MRLN: variants seen among roughly 807,000 people sequenced by gnomAD.
The protein encoded by MRLN is myoregulin.
intron 2 of MRLN, 188 bp downstream of exon 2, chr10:59,738,271 C>T (rs1180566): frequency 0.94 from 143,203 of 152,276 alleles, 67,531 homozygotes; most frequent in East Asian, 1. Context: ...AAATAATACA[C>T]GGGTTTGCAA....
At chr10:59,740,045 C>T (rs192180229) in intron 1 of MRLN, among the ~76,000 whole-genome samples, 185 of 151,204 alleles carry the variant, frequency 1.2e-3, no homozygotes, top group African/African-American at 4.3e-3. Flanking sequence ...GAGCTGAGAT[C>T]GCGCCACTGC....
chr10:59,745,306 C>G (rs1189617452), intron 1 of MRLN, among the ~76,000 whole-genome samples: 1 of 152,036 alleles, frequency 6.6e-6, no homozygotes, highest in South Asian at 2.1e-4. Context: ...GTTAGGACAC[C>G]TTAAAAACTA....
intron 1 of MRLN, among the ~76,000 whole-genome samples, chr10:59,745,912 C>T (rs1409661254): frequency 6.6e-6 from 1 of 152,000 alleles, no homozygotes; most frequent in Non-Finnish European, 1.5e-5. Context: ...AAAACCACAA[C>T]AACAAAAAAA....
chr10:59,737,265 T>A (rs75148881), intron 2 of MRLN, 45 bp from the exon 3 acceptor site: 1 of 387,954 alleles, frequency 2.6e-6, no homozygotes. Flanking sequence ...ACATTTATAA[T>A]ACTGATTCTT....
In MRLN at chr10:59,740,299, T is replaced by TG. The variant is rs397783048; in HGVS notation, c.-124-1738_-124-1737insC. On this transcript the variant is annotated intron_variant, in intron 1 of 2. Transcript: ENST00000414264. ...ACTTGATAATGATAAAAAATGACTG[T>TG]TAATAGTTGTATTGACTATACTATA... Among the ~76,000 whole-genome samples the TG allele has an allele frequency of 5.9e-5, 9 of 151,554 alleles. No individual in the cohort carries two copies. The South Asian group carries it at 1.7e-3, about 28-fold the overall frequency.
intron 1 of MRLN, among the ~76,000 whole-genome samples, chr10:59,742,579 T>A (rs1840995005): frequency 6.6e-6 from 1 of 152,132 alleles, no homozygotes; most frequent in South Asian, 2.1e-4. Context: ...TTGTCCTGGG[T>A]GGTGGTTATA....
intron 1 of MRLN, among the ~76,000 whole-genome samples, chr10:59,744,642 G>A (rs1291940232): frequency 6.6e-6 from 1 of 152,206 alleles, no homozygotes; most frequent in Non-Finnish European, 1.5e-5. Context: ...GGGCCATGAT[G>A]AAGATGGCGG....
intron 1 of MRLN, among the ~76,000 whole-genome samples, chr10:59,741,866 C>T (rs535628907): frequency 6.6e-5 from 10 of 151,940 alleles, no homozygotes; most frequent in Non-Finnish European, 1.0e-4. Flanking sequence ...TTTGTAGAGA[C>T]GGAGTCCTGC....
In MRLN at chr10:59,743,841, T is replaced by C. The variant is rs191996702; in HGVS notation, c.-124-5279A>G. Among the ~76,000 whole-genome samples the C allele has an allele frequency of 4.0e-3, 602 of 152,278 alleles. 5 individuals are homozygous for C. The highest frequency in any genetic ancestry group is 0.013 in the African/African-American group (548 of 41,564). On this transcript the variant is annotated intron_variant, in intron 1 of 2. Transcript: ENST00000414264. ...CGCCACGCCTGACTGGTTTTCGTAT[T>C]TTTTGGTGGAGACGGGGTTTCGCCA...
At chr10:59,744,487 T>TG (rs1009773068) in intron 1 of MRLN, among the ~76,000 whole-genome samples, 2 of 139,786 alleles carry the variant, frequency 1.4e-5, no homozygotes, top group Admixed American at 7.1e-5. Context: ...GTCCGGGAGG[T>TG]GGGGGGCAGC....
rs1328571364 is a variant in MRLN at position 59,737,238 on chromosome 10, A to G, written c.-20-18T>C. Reference sequence around the variant, plus strand: ...CCCGCTCCCTAGGAAAAAAGAGAAAAGTATCCTCAAATGAACACATTTATA... The same window carrying G: ...CCCGCTCCCTAGGAAAAAAGAGAAAGGTATCCTCAAATGAACACATTTATA... On this transcript the variant is annotated intron_variant, in intron 2 of 2. Coordinates refer to ENST00000414264, the MANE Select transcript of MRLN (RefSeq NM_001304731.2). 2 of 393,670 alleles carry G rather than the reference A, an allele frequency of 5.1e-6. No homozygotes were observed. Among genetic ancestry groups the G allele is most frequent in the African/African-American group, 4.1e-5 (2 of 48,516 alleles). The allele number at this position is 393,670 out of a possible 1,614,324, so 24.4% of individuals were successfully genotyped here. A position where few individuals can be genotyped will look rare whatever the true frequency, so the allele number is the denominator to read the frequency against.
chr10:59,751,508 T>A (rs970214799), intron 1 of MRLN, among the ~76,000 whole-genome samples: 3 of 150,788 alleles, frequency 2.0e-5, no homozygotes, highest in Admixed American at 6.6e-5. Flanking sequence ...TAAAAAAAAA[T>A]AATAACAAAA....
chr10:59,740,296 C>CTG (rs77825823), intron 1 of MRLN, among the ~76,000 whole-genome samples: 143,551 of 152,118 alleles, frequency 0.94, 67,927 homozygotes, highest in East Asian at 1. Flanking sequence ...TAAAAAATGA[C>CTG]TGTTAATAGT....
At chr10:59,737,317 A>G (rs747770177) in intron 2 of MRLN, 97 bp from the exon 3 acceptor site, 35 of 376,510 alleles carry the variant, frequency 9.3e-5, no homozygotes, top group Non-Finnish European at 1.2e-4. Context: ...GATTGTGAAC[A>G]AGGTAAGTCT....
chr10:59,742,338 T>A (rs991529723), intron 1 of MRLN, among the ~76,000 whole-genome samples: 1 of 152,192 alleles, frequency 6.6e-6, no homozygotes, highest in South Asian at 2.1e-4. Context: ...AAAGATAGCA[T>A]TGAATTTTAA....
intron 1 of MRLN, among the ~76,000 whole-genome samples, chr10:59,747,929 C>T (rs1841058858): frequency 1.3e-5 from 2 of 152,168 alleles, no homozygotes; most frequent in African/African-American, 2.4e-5. Context: ...CTACTTCTCC[C>T]GGCAAATAAT....
chr10:59,742,056 T>C (rs561071757), intron 1 of MRLN, among the ~76,000 whole-genome samples: 2 of 152,292 alleles, frequency 1.3e-5, no homozygotes, highest in East Asian at 3.9e-4. Flanking sequence ...AATATGATTA[T>C]AACTCCTACT....
Position 59,745,087 on chromosome 10 carries a change from A to C in MRLN, c.-124-6525T>G, listed in dbSNP as rs1170157400. Reference sequence around the variant, plus strand: ...CCTGCCAAATCCCCCTCTCTGAGAAACACCCAAGAATGATCAATAAATACT... The same window carrying C: ...CCTGCCAAATCCCCCTCTCTGAGAACCACCCAAGAATGATCAATAAATACT... On this transcript the variant is annotated intron_variant, in intron 1 of 2. Transcript: ENST00000414264. Among the ~76,000 whole-genome samples, 3 of 152,212 alleles carry C rather than the reference A, an allele frequency of 2.0e-5. No homozygotes were observed. The South Asian group carries it at 6.2e-4, about 32-fold the overall frequency.
chr10:59,742,990 A>C (rs1225901084), intron 1 of MRLN, among the ~76,000 whole-genome samples: 1 of 152,072 alleles, frequency 6.6e-6, no homozygotes, highest in Admixed American at 6.6e-5. Flanking sequence ...TCAGCCTCCC[A>C]AAGTGGTGGG....
Sources: gnomAD v4.1 joint callset for allele counts (sites outside exome capture counted in the v4.1 genomes callset) on GRCh38, gnomAD v4.1.1 for gene constraint, MANE v1.5 for transcripts, NCBI Gene and HGNC (gene_info 2026-07-23, HGNC 2026-07-21) for gene names.